The following LRRC4C variants were observed in gnomAD, a reference collection of about 807,000 sequenced individuals.
LRRC4C encodes the protein leucine-rich repeat-containing protein 4C.
LRRC4C carries 5 observed loss-of-function variants against 33.6 expected under a neutral mutation model. That is an observed-to-expected ratio of 0.15 (90% CI 0.08 to 0.31). The LOEUF (loss-of-function observed/expected upper bound fraction) is 0.31, where lower values mean the gene tolerates loss of function less well. LRRC4C is among the 10% of genes least tolerant of loss of function. The pLI is 1.00. For missense variants in LRRC4C, 560 were observed against 796.7 expected, an observed-to-expected ratio of 0.70 and a Z score of 3.58; for synonymous variants, 329 against 302.0, an observed-to-expected ratio of 1.09 and a Z score of -0.93.
intron 1 of LRRC4C, among the ~76,000 whole-genome samples, chr11:41,223,177 C>T (rs1947381964): frequency 6.6e-6 from 1 of 151,914 alleles, no homozygotes; most frequent in Non-Finnish European, 1.5e-5. Context: ...AAAAATAAAC[C>T]TGAGGTCTTT....
At chr11:40,659,017 C>T (rs1218140116) in intron 2 of LRRC4C, among the ~76,000 whole-genome samples, 1 of 152,172 alleles carries the variant, frequency 6.6e-6, no homozygotes, top group African/African-American at 2.4e-5. Context: ...TGTTCCCTGG[C>T]ACAGCTGCAG....
chr11:40,204,189 C>A (rs1862977502), intron 5 of LRRC4C, among the ~76,000 whole-genome samples: 1 of 152,070 alleles, frequency 6.6e-6, no homozygotes, highest in Non-Finnish European at 1.5e-5. Context: ...CCTCAGCCTC[C>A]CAGAATACTG....
intron 2 of LRRC4C, among the ~76,000 whole-genome samples, chr11:40,857,583 A>G (rs778464958): frequency 1.3e-5 from 2 of 152,190 alleles, no homozygotes; most frequent in Non-Finnish European, 2.9e-5. Flanking sequence ...AATATACCTA[A>G]TTAACTATCC....
At chr11:40,410,087 A>G (rs1188568997) in intron 3 of LRRC4C, among the ~76,000 whole-genome samples, 2 of 152,068 alleles carry the variant, frequency 1.3e-5, no homozygotes, top group Non-Finnish European at 2.9e-5. Context: ...TGGTTGTATC[A>G]CACTACAACG....
chr11:40,646,697 T>G (rs986040224), intron 3 of LRRC4C, among the ~76,000 whole-genome samples: 1 of 152,240 alleles, frequency 6.6e-6, no homozygotes, highest in Admixed American at 6.5e-5. Flanking sequence ...AGCTCCGCCC[T>G]CCGGGTTCAC....
At chr11:40,864,543 G>C (rs1006160228) in intron 2 of LRRC4C, among the ~76,000 whole-genome samples, 5 of 152,170 alleles carry the variant, frequency 3.3e-5, no homozygotes. Flanking sequence ...GTCTTACAGA[G>C]AAACGTTGAT....
chr11:40,170,926 A>T (rs2135430471), intron 5 of LRRC4C, among the ~76,000 whole-genome samples: 1 of 152,340 alleles, frequency 6.6e-6, no homozygotes, highest in East Asian at 1.9e-4. Context: ...TTTACACGCT[A>T]ATAAATTCTA....
intron 1 of LRRC4C, among the ~76,000 whole-genome samples, chr11:41,263,065 T>A (rs1475545439): frequency 6.6e-6 from 1 of 152,094 alleles, no homozygotes; most frequent in Admixed American, 6.6e-5. Context: ...ACACAGGAAA[T>A]AACACCTTAC....
intron 4 of LRRC4C, among the ~76,000 whole-genome samples, chr11:40,267,996 C>T (rs1468998542): frequency 1.3e-5 from 2 of 152,122 alleles, no homozygotes. Context: ...GATGAAATTA[C>T]ATAGGAACAG....
chr11:41,101,111 A>C (rs1941147938), intron 1 of LRRC4C, among the ~76,000 whole-genome samples: 1 of 152,210 alleles, frequency 6.6e-6, no homozygotes, highest in Non-Finnish European at 1.5e-5. Context: ...TTTCATGAGA[A>C]AGTGCCAAAA....
chr11:41,242,197 C>G (rs1265551786), intron 1 of LRRC4C, among the ~76,000 whole-genome samples: 1 of 152,000 alleles, frequency 6.6e-6, no homozygotes, highest in Non-Finnish European at 1.5e-5. Flanking sequence ...TTTGATTTTC[C>G]AGTGTTGATT....
intron 1 of LRRC4C, among the ~76,000 whole-genome samples, chr11:41,071,537 A>G (rs1938683985): frequency 1.3e-5 from 2 of 152,214 alleles, no homozygotes; most frequent in African/African-American, 4.8e-5. Flanking sequence ...AAAGCATGGT[A>G]TACTGAATAC....
intron 2 of LRRC4C, among the ~76,000 whole-genome samples, chr11:40,855,193 G>T (rs1565137719): frequency 6.6e-6 from 1 of 152,140 alleles, no homozygotes; most frequent in African/African-American, 2.4e-5. Flanking sequence ...TCAAAAAGGA[G>T]ATTAGTGCAA....
chr11:40,871,793 A>T, intron 2 of LRRC4C, among the ~76,000 whole-genome samples: 1 of 151,998 alleles, frequency 6.6e-6, no homozygotes, highest in Non-Finnish European at 1.5e-5. Context: ...TTCCTCTCTT[A>T]TCCTTCTTTA....
intron 2 of LRRC4C, among the ~76,000 whole-genome samples, chr11:40,846,605 T>C (rs945050594): frequency 2.0e-5 from 3 of 151,740 alleles, no homozygotes; most frequent in African/African-American, 7.2e-5. Flanking sequence ...GCTTCCAGCT[T>C]TGTTTTTTTG....
chr11:40,998,882 C>T (rs952824110), intron 1 of LRRC4C, among the ~76,000 whole-genome samples: 1 of 152,048 alleles, frequency 6.6e-6, no homozygotes, highest in African/African-American at 2.4e-5. Context: ...GCAACCCAAC[C>T]CAAATGATTT....
At chr11:41,360,783 C>A (rs1952328500) in intron 1 of LRRC4C, among the ~76,000 whole-genome samples, 1 of 152,086 alleles carries the variant, frequency 6.6e-6, no homozygotes, top group Admixed American at 6.5e-5. Context: ...CATGAGGAGA[C>A]CAGAGTAGAA....
intron 3 of LRRC4C, among the ~76,000 whole-genome samples, chr11:40,324,520 T>G (rs930444898): frequency 6.6e-6 from 1 of 152,176 alleles, no homozygotes; most frequent in African/African-American, 2.4e-5. Context: ...GTATCTGAGT[T>G]CTACCACCCT....
At chr11:40,555,342 A>G (rs1440359145) in intron 3 of LRRC4C, among the ~76,000 whole-genome samples, 1 of 152,118 alleles carries the variant, frequency 6.6e-6, no homozygotes, top group Non-Finnish European at 1.5e-5. Flanking sequence ...GTCAAGATGT[A>G]TATTTGGGGT....
Sources: allele counts gnomAD v4.1 joint callset (sites outside exome capture counted in the v4.1 genomes callset), GRCh38; gene constraint gnomAD v4.1.1; transcripts MANE v1.5; gene names NCBI Gene and HGNC (gene_info 2026-07-23, HGNC 2026-07-21).